The following MGAT4C variants were observed in gnomAD, a reference collection of about 807,000 sequenced individuals.
The protein encoded by MGAT4C is alpha-1,3-mannosyl-glycoprotein 4-beta-N-acetylglucosaminyltransferase C.
A neutral mutation model predicts 40.1 loss-of-function variants in MGAT4C; 19 were observed. That is an observed-to-expected ratio of 0.47 (90% CI 0.33 to 0.70). The LOEUF (loss-of-function observed/expected upper bound fraction) is 0.70. Ranked by LOEUF, MGAT4C falls within the 30% of genes least tolerant of loss-of-function variation. The pLI is 0.02. For synonymous variants in MGAT4C, 181 were observed against 187.1 expected, an observed-to-expected ratio of 0.97 and a Z score of 0.27; for missense variants, 491 against 563.2, an observed-to-expected ratio of 0.87 and a Z score of 1.30.
rs1030689492 is a variant in MGAT4C at position 85,960,265 on chromosome 12, A to T, written c.*19024T>A. ...TCCCCTTGTTATACAGACAAAGATG[A>T]CAAGGGCCGAAAAGGAAGTGATTTT... On this transcript the variant is annotated 3_prime_UTR_variant, in exon 5 of 5. Transcript: ENST00000611864. The T allele has an allele frequency of 6.6e-6, 1 of 152,034 alleles. No individual in the cohort carries two copies. The highest frequency in any genetic ancestry group is 1.9e-4 in the East Asian group (1 of 5,186). The allele number at this position is 152,034 out of a possible 1,614,324, so 9.4% of individuals were successfully genotyped here.
chr12:86,513,990 T>G (rs1215305764), intron 2 of MGAT4C, among the ~76,000 whole-genome samples: 1 of 151,472 alleles, frequency 6.6e-6, no homozygotes, highest in Non-Finnish European at 1.5e-5. Flanking sequence ...ATTGTCATCA[T>G]CTGACAAGCA....
intron 4 of MGAT4C, among the ~76,000 whole-genome samples, chr12:86,320,271 C>T (rs76908780): frequency 0.067 from 10,181 of 152,066 alleles, 821 homozygotes; most frequent in East Asian, 0.24. Flanking sequence ...CAGCCAGTAA[C>T]CCAAAGGAAT....
rs540314033 is a variant in MGAT4C at position 86,313,400 on chromosome 12, A to T, written c.-57+20665T>A. On this transcript the variant is annotated intron_variant, in intron 4 of 7. Coordinates refer to the MGAT4C transcript ENST00000548651. ...ATTTTATTATCCTCTTTTCAAAATC[A>T]TGAAATCAGCATATTTAGCCGTAAG... Among the ~76,000 whole-genome samples the T allele has an allele frequency of 3.3e-5, 5 of 152,338 alleles. No homozygotes were observed. The South Asian group carries it at 1.0e-3, about 32-fold the overall frequency.
intron 1 of MGAT4C, among the ~76,000 whole-genome samples, chr12:86,141,888 A>G (rs531977915): frequency 9.2e-5 from 14 of 152,262 alleles, no homozygotes; most frequent in African/African-American, 2.9e-4. Flanking sequence ...GGCCAAGAAG[A>G]GACCCGACAA....
intron 1 of MGAT4C, among the ~76,000 whole-genome samples, chr12:86,152,050 C>T (rs1007099886): frequency 3.9e-5 from 6 of 152,218 alleles, no homozygotes; most frequent in African/African-American, 1.4e-4. Flanking sequence ...GTTGCTGGAA[C>T]TCCCTGAGAG....
chr12:86,156,415 C>T (rs561636412), intron 1 of MGAT4C, among the ~76,000 whole-genome samples: 29 of 152,068 alleles, frequency 1.9e-4, no homozygotes, highest in Non-Finnish European at 3.7e-4. Context: ...CTCCGTGTCC[C>T]AGGTTCAAGC....
At chr12:86,299,988 T>G (rs1271661090) in intron 4 of MGAT4C, among the ~76,000 whole-genome samples, 1 of 152,230 alleles carries the variant, frequency 6.6e-6, no homozygotes, top group Non-Finnish European at 1.5e-5. Flanking sequence ...ATATGCCCTT[T>G]GCAGTAGATT....
At chr12:86,769,447 G>T (rs1278595942) in intron 1 of MGAT4C, among the ~76,000 whole-genome samples, 1 of 152,198 alleles carries the variant, frequency 6.6e-6, no homozygotes, top group Admixed American at 6.5e-5. Context: ...CATTGTGGAA[G>T]TCAGTGTGGC....
At chr12:86,564,610 T>A (rs1446293962) in intron 2 of MGAT4C, among the ~76,000 whole-genome samples, 1 of 152,226 alleles carries the variant, frequency 6.6e-6, no homozygotes, top group Non-Finnish European at 1.5e-5. Context: ...TCTACCTTAG[T>A]AAAATTTCTG....
intron 4 of MGAT4C, among the ~76,000 whole-genome samples, chr12:86,293,696 T>G (rs1216718308): frequency 6.6e-6 from 1 of 152,182 alleles, no homozygotes; most frequent in East Asian, 1.9e-4. Flanking sequence ...TATCTTGAAT[T>G]GTAATCCCCA....
intron 1 of MGAT4C, among the ~76,000 whole-genome samples, chr12:86,125,495 T>G (rs1880082071): frequency 1.3e-5 from 2 of 152,116 alleles, no homozygotes; most frequent in South Asian, 4.1e-4. Flanking sequence ...TCATATAATG[T>G]TACAGATCAT....
intron 2 of MGAT4C, among the ~76,000 whole-genome samples, chr12:86,478,137 CA>C (rs1957872586): frequency 6.6e-6 from 1 of 152,024 alleles, no homozygotes. Context: ...CATAATTTAT[CA>C]CAGGCACTGA....
At position 85,957,639 on chromosome 12, in the gene MGAT4C, T is replaced by C. The variant is rs532930290; in HGVS notation, c.*21650A>G. 4 of 116,784 alleles carry C rather than the reference T, an allele frequency of 3.4e-5. No homozygotes were observed. The South Asian group carries it at 9.9e-4, about 29-fold the overall frequency. 7.2% of individuals were successfully genotyped at this position (116,784 alleles called of 1,614,324 possible). ...TAAAACCACAGATTTTCTTTTACTG[T>C]AGAGTTGAATAAGAAAGCAAAAAAA... On this transcript the variant is annotated 3_prime_UTR_variant, in exon 5 of 5. Coordinates refer to ENST00000611864, the MANE Select transcript of MGAT4C (RefSeq NM_001351288.2).
In MGAT4C at chr12:86,690,801, C is replaced by T. The variant is rs868147127; in HGVS notation, c.-229+36408G>A. Among the ~76,000 whole-genome samples, 45 of 152,278 alleles carry T rather than the reference C, an allele frequency of 3.0e-4. No individual in the cohort carries two copies. In the Middle Eastern group the frequency reaches 0.01, roughly 35 times the overall value. On this transcript the variant is annotated intron_variant, in intron 2 of 7. Transcript: ENST00000548651. ...ACTTTTAATGTTGATGTTCTCAGGACTCAATATTTTCATCACTTTCCTTTT... is the reference window on the plus strand; with the variant it reads ...ACTTTTAATGTTGATGTTCTCAGGATTCAATATTTTCATCACTTTCCTTTT...
chr12:86,495,670 G>T (rs1023639590), intron 2 of MGAT4C, among the ~76,000 whole-genome samples: 2 of 152,010 alleles, frequency 1.3e-5, no homozygotes, highest in African/African-American at 2.4e-5. Flanking sequence ...TGTGGGGATG[G>T]TGAAACCGGC....
chr12:86,008,941 C>T (rs1888177573), intron 2 of MGAT4C, among the ~76,000 whole-genome samples: 1 of 151,922 alleles, frequency 6.6e-6, no homozygotes, highest in Admixed American at 6.6e-5. Flanking sequence ...TAGAAGTATA[C>T]ATTAAATAAT....
chr12:86,469,307 A>T (rs1406693785), intron 2 of MGAT4C, among the ~76,000 whole-genome samples: 2 of 152,124 alleles, frequency 1.3e-5, no homozygotes, highest in Admixed American at 1.3e-4. Context: ...ATTGCTTTTA[A>T]TGAACAGAAT....
At chr12:86,774,319 C>CTTTCTTTCTTTCTTTCTTTCTTTTTCT (rs1555227779) in intron 1 of MGAT4C, among the ~76,000 whole-genome samples, 1 of 93,620 alleles carries the variant, frequency 1.1e-5, no homozygotes. Flanking sequence ...TTCTTTCTTT[C>CTTTCTTTCTTTCTTTCTTTCTTTTTCT]TTTCTTTCTT....
chr12:86,652,611 G>T (rs1300105798), intron 2 of MGAT4C, among the ~76,000 whole-genome samples: 2 of 151,868 alleles, frequency 1.3e-5, no homozygotes, highest in African/African-American at 2.4e-5. Flanking sequence ...ACAGTTTCAA[G>T]TGTCCATATA....
Sources: gnomAD v4.1 joint callset for allele counts (sites outside exome capture counted in the v4.1 genomes callset) on GRCh38, gnomAD v4.1.1 for gene constraint, MANE v1.5 for transcripts, NCBI Gene and HGNC (gene_info 2026-07-23, HGNC 2026-07-21) for gene names.